MTUS2: variants seen among roughly 807,000 people sequenced by gnomAD.
The protein encoded by MTUS2 is microtubule associated scaffold protein 2.
Under a neutral mutation model 114.1 loss-of-function variants are expected in MTUS2, and 40 were observed. The observed-to-expected ratio is 0.35, with a 90% confidence interval of 0.27 to 0.46. The LOEUF is 0.46. Ranked by LOEUF, MTUS2 falls within the 20% of genes least tolerant of loss-of-function variation. The pLI is 1.00. For missense variants in MTUS2, 1,679 were observed against 1,705.4 expected (o/e 0.98, Z 0.27); for synonymous variants, 688 against 672.0 (o/e 1.02, Z -0.37).
intron 4 of MTUS2, among the ~76,000 whole-genome samples, chr13:29,054,566 T>C (rs1346505688): frequency 6.6e-6 from 1 of 152,062 alleles, no homozygotes; most frequent in African/African-American, 2.4e-5. Flanking sequence ...TTTTGCAAGA[T>C]GAAAAAGTCC....
intron 2 of MTUS2, among the ~76,000 whole-genome samples, chr13:28,852,425 C>G (rs867109725): frequency 3.5e-4 from 53 of 152,148 alleles, no homozygotes; most frequent in African/African-American, 1.2e-3. Flanking sequence ...GTGAGTGAAA[C>G]TAATACAGAC....
intron 13 of MTUS2, 78 bp downstream of exon 13, chr13:29,497,414 G>T (rs932654401): frequency 1.5e-6 from 2 of 1,298,990 alleles, no homozygotes; most frequent in South Asian, 1.3e-5. Flanking sequence ...CAGCAGTCTC[G>T]TCCCAAGACA....
intron 8 of MTUS2, among the ~76,000 whole-genome samples, chr13:29,433,331 C>T (rs559678312): frequency 6.6e-6 from 1 of 152,274 alleles, no homozygotes; most frequent in Admixed American, 6.5e-5. Context: ...CAAGTAGACA[C>T]TGAAATGTAT....
chr13:29,140,668 C>T (rs866768518), intron 5 of MTUS2, among the ~76,000 whole-genome samples: 2 of 152,132 alleles, frequency 1.3e-5, no homozygotes, highest in South Asian at 2.1e-4. Flanking sequence ...CCTCTGCCTG[C>T]CCCAGTTCTC....
At chr13:29,467,071 A>G (rs1041382445) in intron 9 of MTUS2, among the ~76,000 whole-genome samples, 1 of 152,136 alleles carries the variant, frequency 6.6e-6, no homozygotes, top group Non-Finnish European at 1.5e-5. Context: ...GGTCACCCAG[A>G]CTATGGGATA....
intron 11 of MTUS2, among the ~76,000 whole-genome samples, chr13:29,492,399 C>T (rs981131486): frequency 4.6e-5 from 7 of 151,610 alleles, no homozygotes; most frequent in Admixed American, 2.6e-4. Context: ...TGTTCATATG[C>T]GTTCTATCTG....
In MTUS2 at chr13:28,904,201, T is replaced by G. The variant is rs574819585; in HGVS notation, c.-243+64351T>G. Among the ~76,000 whole-genome samples the G allele has an allele frequency of 2.5e-4, 38 of 152,294 alleles. 1 individual carries two copies. Among genetic ancestry groups the G allele is most frequent in the South Asian group, 2.3e-3 (11 of 4,824 alleles). On this transcript the variant is annotated intron_variant, in intron 2 of 15. Coordinates refer to ENST00000612955, the MANE Select transcript of MTUS2 (RefSeq NM_001033602.4). Reference sequence around the variant, plus strand: ...GTAGGTTGCGAAAATTTTCTCCCATTCTGTAGGTTGCCTGTTCACTCTGAT... The same window carrying G: ...GTAGGTTGCGAAAATTTTCTCCCATGCTGTAGGTTGCCTGTTCACTCTGAT...
chr13:29,321,740 T>C (rs1474216668), intron 6 of MTUS2, among the ~76,000 whole-genome samples: 1 of 152,238 alleles, frequency 6.6e-6, no homozygotes, highest in African/African-American at 2.4e-5. Context: ...AGAAGCATAT[T>C]AAAATAAAAA....
At chr13:29,489,690 A>G (rs1881916716) in intron 11 of MTUS2, 1 of 152,224 alleles carries the variant, frequency 6.6e-6, no homozygotes. Flanking sequence ...AAAACTCCCT[A>G]GGTGATTCTA....
intron 1 of MTUS2, among the ~76,000 whole-genome samples, chr13:28,835,821 A>G (rs916217907): frequency 3.9e-5 from 6 of 152,320 alleles, no homozygotes; most frequent in African/African-American, 1.2e-4. Flanking sequence ...GTGAAGTGCC[A>G]GCAGCTATGG....
At chr13:29,442,915 CT>C (rs111809941) in intron 9 of MTUS2, among the ~76,000 whole-genome samples, 16,427 of 152,216 alleles carry the variant, frequency 0.11, 1,403 homozygotes, top group African/African-American at 0.24. Context: ...CTTTCCTCCT[CT>C]TTTAGCAAGA....
intron 2 of MTUS2, among the ~76,000 whole-genome samples, chr13:28,935,259 G>T (rs1881843095): frequency 6.6e-6 from 1 of 152,024 alleles, no homozygotes; most frequent in Non-Finnish European, 1.5e-5. Flanking sequence ...ATGTTGTTAT[G>T]AACATTTTTG....
At chr13:28,917,325 T>C (rs757894705) in intron 2 of MTUS2, among the ~76,000 whole-genome samples, 9 of 151,968 alleles carry the variant, frequency 5.9e-5, no homozygotes, top group Non-Finnish European at 1.2e-4. Flanking sequence ...TGGAATAGTT[T>C]GAGTAGGATT....
At chr13:29,194,196 T>C (rs558379189) in intron 5 of MTUS2, among the ~76,000 whole-genome samples, 3 of 151,874 alleles carry the variant, frequency 2.0e-5, no homozygotes, top group East Asian at 1.9e-4. Flanking sequence ...AAGGACTTCA[T>C]GTCTAAAACA....
intron 5 of MTUS2, among the ~76,000 whole-genome samples, chr13:29,229,265 T>A (rs1260859914): frequency 6.6e-6 from 1 of 152,222 alleles, no homozygotes; most frequent in African/African-American, 2.4e-5. Flanking sequence ...CCTCTAGCTT[T>A]CGTGTAATTT....
At position 29,408,868 on chromosome 13, in the gene MTUS2, G is replaced by A. The variant is rs1013507829; in HGVS notation, c.3118-31115G>A. Among the ~76,000 whole-genome samples, 3 of 152,106 alleles carry A rather than the reference G, an allele frequency of 2.0e-5. No individual in the cohort carries two copies. The East Asian group carries it at 5.8e-4, about 29-fold the overall frequency. ...CTTGAATTCCAATCCAACACCACAG[G>A]GTTTGTTCTAGTGTGTCCAATTTGC... On this transcript the variant is annotated intron_variant, in intron 8 of 15. Transcript: ENST00000612955.
At chr13:29,122,403 C>T (rs559549805) in intron 5 of MTUS2, among the ~76,000 whole-genome samples, 1 of 152,286 alleles carries the variant, frequency 6.6e-6, no homozygotes, top group East Asian at 1.9e-4. Context: ...GAAGCAAGCA[C>T]CGCCTCTTTC....
intron 4 of MTUS2, among the ~76,000 whole-genome samples, chr13:29,047,512 C>CTTTTT: frequency 7.4e-6 from 1 of 135,778 alleles, no homozygotes; most frequent in Non-Finnish European, 1.6e-5. Flanking sequence ...AAAATTTACT[C>CTTTTT]TTTTTTTTTT....
chr13:29,491,006 T>C (rs1357196232), intron 11 of MTUS2, among the ~76,000 whole-genome samples: 1 of 138,076 alleles, frequency 7.2e-6, no homozygotes, highest in East Asian at 2.2e-4. Context: ...TGTGTGTGTG[T>C]GGTGTGGGAG....
Sources: gnomAD v4.1 joint callset for allele counts (sites outside exome capture counted in the v4.1 genomes callset) on GRCh38, gnomAD v4.1.1 for gene constraint, MANE v1.5 for transcripts, NCBI Gene and HGNC (gene_info 2026-07-23, HGNC 2026-07-21) for gene names.